The following TIMELESS variants were observed in gnomAD, a reference collection of about 807,000 sequenced individuals.
TIMELESS encodes the protein timeless circadian regulator.
TIMELESS carries 124 observed loss-of-function variants against 164.3 expected under a neutral mutation model. The observed-to-expected ratio is 0.75, with a 90% CI of 0.65 to 0.88. TIMELESS has a LOEUF of 0.88. Among genes scored for constraint, TIMELESS ranks in the 40% least tolerant of loss-of-function variants. The pLI is 0.00. For synonymous variants in TIMELESS, 564 were observed against 563.4 expected (o/e 1.00, Z -0.02); for missense variants, 1,422 against 1,491.4 (o/e 0.95, Z 0.77).
At chr12:56,423,195 C>T in intron 18 of TIMELESS, 79 bp downstream of exon 18, 2 of 1,543,504 alleles carry the variant, frequency 1.3e-6, no homozygotes, top group Non-Finnish European at 8.8e-7. Context: ...CTCTCAGCAC[C>T]TTCTATCTCC....
chr12:56,447,127 A>C (rs1176872353), intron 1 of TIMELESS, among the ~76,000 whole-genome samples: 1 of 146,820 alleles, frequency 6.8e-6, no homozygotes, highest in Non-Finnish European at 1.5e-5. Flanking sequence ...CTCCTGCCTC[A>C]GCCTCCCAAG....
intron 1 of TIMELESS, among the ~76,000 whole-genome samples, chr12:56,446,758 G>A (rs1868356464): frequency 6.7e-6 from 1 of 150,224 alleles, no homozygotes; most frequent in Admixed American, 6.7e-5. Context: ...CTTGAACCTG[G>A]GAGACCACGC....
intron 1 of TIMELESS, among the ~76,000 whole-genome samples, chr12:56,435,957 T>TAA (rs1565686644): frequency 4.3e-4 from 37 of 86,456 alleles, no homozygotes; most frequent in African/African-American, 1.1e-3. Flanking sequence ...AGACTCCGTC[T>TAA]TAAAAAAAAA....
Position 56,423,643 on chromosome 12 carries a change from C to A in TIMELESS, c.2031G>T (p.Glu677Asp). Reference sequence around the variant, plus strand: ...CCGACACCTGGACCACTTGCAACTCCTCCTCTTCCTCCTCCTCCTCCTCTT... The same window carrying A: ...CCGACACCTGGACCACTTGCAACTCATCCTCTTCCTCCTCCTCCTCCTCTT... ...EEEEEEEEEEEELQVVQVSEK... is the reference protein window; with the variant it reads ...EEEEEEEEEEDELQVVQVSEK... Residue 677 changes from glutamate to aspartate, a missense_variant, in exon 17 of 29, where the codon GAG (glutamate) becomes GAT (aspartate). Physicochemically the swap from Glu to Asp is conservative, Grantham distance 45. Transcript: ENST00000553532. 1 of 1,614,022 alleles carries A rather than the reference C, an allele frequency of 6.2e-7. No homozygotes were observed. Among genetic ancestry groups the A allele is most frequent in the East Asian group, 2.2e-5 (1 of 44,876 alleles).
At chr12:56,423,063 T>A in intron 18 of TIMELESS, 71 bp from the exon 19 acceptor site, 2 of 1,549,126 alleles carry the variant, frequency 1.3e-6, no homozygotes, top group Non-Finnish European at 1.7e-6. Context: ...CTCTAGGTAT[T>A]TTCTCTATAG....
At chr12:56,426,446 G>A (rs1390398893) in intron 13 of TIMELESS, among the ~76,000 whole-genome samples, 1 of 151,134 alleles carries the variant, frequency 6.6e-6, no homozygotes, top group African/African-American at 2.4e-5. Flanking sequence ...GAGTGCAATG[G>A]CGTGATCTCG....
intron 15 of TIMELESS, 145 bp downstream of exon 15, chr12:56,424,617 A>G (rs758495946): frequency 7.7e-5 from 72 of 935,428 alleles, no homozygotes; most frequent in Non-Finnish European, 1.0e-4. Flanking sequence ...CCAACAAACC[A>G]ATCAAAACGC....
At chr12:56,431,663 C>G in intron 7 of TIMELESS, 59 bp from the exon 8 acceptor site, 1 of 1,574,856 alleles carries the variant, frequency 6.3e-7, no homozygotes, top group Non-Finnish European at 8.6e-7. Context: ...CCTGAGTTCA[C>G]GCCTACTGGG....
At chr12:56,438,734 C>T (rs150968086) in intron 1 of TIMELESS, among the ~76,000 whole-genome samples, 170 of 126,398 alleles carry the variant, frequency 1.3e-3, no homozygotes, top group Admixed American at 3.6e-3. Context: ...GCTGATATTG[C>T]GCCACCGCAC....
At position 56,418,275 on chromosome 12, in the gene TIMELESS, G is replaced by T; in HGVS notation, c.3313C>A (p.Gln1105Lys). 6.2e-7 allele frequency: 1 copy of T among 1,614,192 alleles called. No individual in the cohort carries two copies. Among genetic ancestry groups the T allele is most frequent in the Non-Finnish European group, 8.5e-7 (1 of 1,180,030 alleles). Residue 1105 changes from glutamine to lysine, a missense_variant, in exon 27 of 29, where the codon CAG becomes AAG. Coordinates refer to ENST00000553532, the MANE Select transcript of TIMELESS (RefSeq NM_003920.5). ...GGCTGCAGCTCTGGCTGCAGCTTCT[G>T]TTCCTCCTCTGGTTGACTCAAAGAA... Reference protein sequence around the residue: ...AASLSQPEEEQKLQPELQPKV... With the variant: ...AASLSQPEEEKKLQPELQPKV...
chr12:56,429,571 G>A (rs1434549313), intron 10 of TIMELESS, among the ~76,000 whole-genome samples: 2 of 143,174 alleles, frequency 1.4e-5, no homozygotes, highest in Non-Finnish European at 3.0e-5. Context: ...GTCTGATCTC[G>A]GCTCACTGCA....
rs757041601 is a variant in TIMELESS, at chr12:56,423,568, G to C, written c.2090+16C>G. 284 of 1,613,694 alleles carry C rather than the reference G, an allele frequency of 1.8e-4. No individual in the cohort carries two copies. The highest frequency in any genetic ancestry group is 2.4e-4 in the Non-Finnish European group (281 of 1,179,852). ...AATCGCCACTCTAGGACCAACTCAGGCCTCTCAGCCCGCACCGTTTCAGGT... is the reference window on the plus strand; with the variant it reads ...AATCGCCACTCTAGGACCAACTCAGCCCTCTCAGCCCGCACCGTTTCAGGT... On this transcript the variant is annotated intron_variant, in intron 17 of 28. Transcript: ENST00000553532.
At chr12:56,429,199 C>A in intron 10 of TIMELESS, 99 bp from the exon 11 acceptor site, 1 of 1,148,310 alleles carries the variant, frequency 8.7e-7, no homozygotes, top group Non-Finnish European at 1.2e-6. Context: ...TGGACACCGT[C>A]ATAATTTTTT....
chr12:56,423,441 G>A lies in TIMELESS; in HGVS notation c.2125C>T (p.Leu709=), dbSNP rs752258535. ...ACSTVVRAYV[L]LLRSYQQNSA... ...TTCTGCTGGTAGCTCCTTAGTAGCA[G>A]CACATAGGCTCGAACGACAGTTGAA... Residue 709 remains leucine, a synonymous_variant, in exon 18 of 29, where the codon CTG becomes TTG. Transcript: ENST00000553532. The A allele has an allele frequency of 6.2e-7, 1 of 1,614,116 alleles. No individual in the cohort carries two copies. The highest frequency in any genetic ancestry group is 1.3e-5 in the African/African-American group (1 of 75,030).
chr12:56,432,358 C>T lies in TIMELESS; in HGVS notation c.687+11G>A. ...GGCGGAGGGGACTCGGGCAATAGGC[C>T]AGGGTCTCACCTGGTCACGAAACAT... On this transcript the variant is annotated intron_variant, in intron 7 of 28. Transcript: ENST00000553532. 1 of 1,607,772 alleles carries T rather than the reference C, an allele frequency of 6.2e-7. No individual in the cohort carries two copies. The highest frequency in any genetic ancestry group is 8.5e-7 in the Non-Finnish European group (1 of 1,174,830).
intron 13 of TIMELESS, 75 bp downstream of exon 13, chr12:56,428,161 A>G: frequency 7.0e-7 from 1 of 1,427,004 alleles, no homozygotes; most frequent in East Asian, 2.3e-5. Context: ...AAGCTGTACA[A>G]ACTGTGAGAA....
rs770000884 is a variant in TIMELESS at position 56,429,100 on chromosome 12, C to T, written c.1087G>A (p.Asp363Asn). Residue 363 changes from aspartate to asparagine, a missense_variant and splice_region_variant, in exon 11 of 29, where the codon GAT (aspartate) becomes AAT (asparagine). Coordinates refer to ENST00000553532, the MANE Select transcript of TIMELESS (RefSeq NM_003920.5). Reference sequence around the variant, plus strand: ...TGAGCTTTCTCCCGAAGCAGGTGATCCTGACATTTAAAAAAGAAAAAAAAA... The same window carrying T: ...TGAGCTTTCTCCCGAAGCAGGTGATTCTGACATTTAAAAAAGAAAAAAAAA... ...CYNRLMGSVKDHLLREKAQQH... is the reference protein window; with the variant it reads ...CYNRLMGSVKNHLLREKAQQH... The T allele has an allele frequency of 3.7e-6, 6 of 1,610,892 alleles. No homozygotes were observed. In the African/African-American group the frequency reaches 5.4e-5, roughly 14 times the overall value.
chr12:56,431,358 A>G, intron 8 of TIMELESS, 113 bp downstream of exon 8: 4 of 1,257,822 alleles, frequency 3.2e-6, no homozygotes, highest in South Asian at 1.6e-5. Context: ...CTGTCTCAAA[A>G]AAAAAAAAAA....
chr12:56,422,774 C>G (rs570370576), intron 19 of TIMELESS, 73 bp downstream of exon 19: 48 of 1,486,748 alleles, frequency 3.2e-5, no homozygotes, highest in Admixed American at 2.4e-4. Context: ...AAGCTCTTAA[C>G]AGCTTTGACA....
Sources: gnomAD v4.1 joint callset for allele counts (sites outside exome capture counted in the v4.1 genomes callset) on GRCh38, gnomAD v4.1.1 for gene constraint, MANE v1.5 for transcripts, NCBI Gene and HGNC (gene_info 2026-07-23, HGNC 2026-07-21) for gene names.